Variants in NRG4 observed in about 807,000 individuals in gnomAD.
NRG4 encodes neuregulin 4.
In NRG4, 10 loss-of-function variants were observed where a neutral mutation model predicts 15.0. The ratio of observed to expected loss-of-function variants is 0.67; its 90% CI spans 0.41 to 1.13. The LOEUF (loss-of-function observed/expected upper bound fraction) is 1.13. NRG4 is among the 50% of genes most tolerant of loss of function. NRG4 has a pLI of 0.00. For synonymous variants in NRG4, 41 were observed against 50.1 expected (o/e 0.82, Z 0.77); for missense variants, 139 against 140.2 (o/e 0.99, Z 0.04).
intron 5 of NRG4, among the ~76,000 whole-genome samples, chr15:75,952,434 A>C (rs2031959126): frequency 6.6e-6 from 1 of 152,210 alleles, no homozygotes; most frequent in South Asian, 2.1e-4. Context: ...TTCCTGCCGA[A>C]TAATATTCCA....
chr15:75,936,011 T>A (rs951684389), downstream of NRG4: 14 of 152,252 alleles, frequency 9.2e-5, no homozygotes, highest in African/African-American at 3.4e-4. Context: ...ATGGTCTCGA[T>A]CTCCTGACCT....
chr15:75,959,590 C>T (rs1413379741), intron 4 of NRG4, among the ~76,000 whole-genome samples: 1 of 152,076 alleles, frequency 6.6e-6, no homozygotes, highest in Non-Finnish European at 1.5e-5. Context: ...AAACTCCTGG[C>T]CTTGGGGGAT....
At chr15:76,015,335 C>G (rs1421302671), upstream of NRG4, among the ~76,000 whole-genome samples, 1 of 152,182 alleles carries the variant, frequency 6.6e-6, no homozygotes, top group Non-Finnish European at 1.5e-5. Context: ...ACCTTTATTT[C>G]TTTCTCTTGC....
At chr15:76,041,819 G>A (rs1012013494) in intron 4 of NRG4, among the ~76,000 whole-genome samples, 1 of 152,034 alleles carries the variant, frequency 6.6e-6, no homozygotes, top group African/African-American at 2.4e-5. Context: ...CTGTACTATA[G>A]ACCACATGGA....
chr15:75,957,980 T>C (rs2032320852), intron 4 of NRG4, among the ~76,000 whole-genome samples: 1 of 152,106 alleles, frequency 6.6e-6, no homozygotes, highest in Admixed American at 6.5e-5. Flanking sequence ...CCACATTTGC[T>C]TATTTCTAAG....
chr15:76,011,102 A>G, intron 2 of NRG4, 119 bp downstream of exon 2: 1 of 858,204 alleles, frequency 1.2e-6, no homozygotes, highest in Non-Finnish European at 1.6e-6. Flanking sequence ...TCATATTCAC[A>G]TCTCTTCCAA....
At chr15:76,042,228 T>C (rs1252467989) in intron 4 of NRG4, among the ~76,000 whole-genome samples, 1 of 147,202 alleles carries the variant, frequency 6.8e-6, no homozygotes. Context: ...ATTTAAAAAG[T>C]AGGAAAACAT....
At chr15:76,049,918 G>A (rs1596063530) in intron 4 of NRG4, among the ~76,000 whole-genome samples, 1 of 150,826 alleles carries the variant, frequency 6.6e-6, no homozygotes, top group East Asian at 1.9e-4. Context: ...TCTGTCGATG[G>A]TAACATATAT....
intron 5 of NRG4, among the ~76,000 whole-genome samples, chr15:76,025,700 C>A (rs572351928): frequency 6.6e-6 from 1 of 151,762 alleles, no homozygotes; most frequent in Non-Finnish European, 1.5e-5. Flanking sequence ...ATGTGGTGAA[C>A]CCCTGTCTCT....
rs946083489 is a variant in NRG4 at position 76,051,332 on chromosome 15, G to T, written c.-105+735C>A. 7.5e-4 allele frequency among the ~76,000 whole-genome samples: 112 copies of T among 149,902 alleles called. 7 individuals are homozygous for T. Among genetic ancestry groups the T allele is most frequent in the Non-Finnish European group, 1.3e-3 (86 of 67,620 alleles). ...TTTATTTATTTTTTTATAGAGACGG[G>T]CTCTCACTCTGTTGCCCAGGCTGGT... On this transcript the variant is annotated intron_variant, in intron 4 of 8. Coordinates refer to the NRG4 transcript ENST00000563910.
intron 3 of NRG4, chr15:76,052,224 T>G (rs750163940): frequency 6.6e-6 from 1 of 151,156 alleles, no homozygotes; most frequent in Non-Finnish European, 1.5e-5. Flanking sequence ...ACAATTTTAG[T>G]AATACACGAA....
Position 76,057,991 on chromosome 15 carries a change from G to C in NRG4, c.-327-972C>G, listed in dbSNP as rs2141973726. On this transcript the variant is annotated intron_variant, in intron 1 of 8. Coordinates refer to the NRG4 transcript ENST00000563910. ...TGAAGTGGTCTTCAAATTTCTCTCA[G>C]CAAGTTTCAAAATACTTGTCGTACT... Among the ~76,000 whole-genome samples the C allele has an allele frequency of 2.0e-5, 3 of 152,174 alleles. No individual in the cohort carries two copies. In the East Asian group the frequency reaches 5.8e-4, roughly 29 times the overall value.
chr15:75,987,319 G>A (rs1476700884), intron 3 of NRG4, among the ~76,000 whole-genome samples: 1 of 152,168 alleles, frequency 6.6e-6, no homozygotes, highest in African/African-American at 2.4e-5. Context: ...CACAATTTTT[G>A]TCAAGGAAAA....
intron 3 of NRG4, among the ~76,000 whole-genome samples, chr15:75,962,606 C>A (rs1335931613): frequency 6.6e-6 from 1 of 152,082 alleles, no homozygotes; most frequent in Non-Finnish European, 1.5e-5. Context: ...AAATATTCTC[C>A]ACTGCCAACC....
intron 3 of NRG4, among the ~76,000 whole-genome samples, chr15:75,972,588 G>T (rs963700571): frequency 1.3e-5 from 2 of 152,150 alleles, no homozygotes; most frequent in African/African-American, 2.4e-5. Flanking sequence ...TTCTGCCTAT[G>T]GCTATCCAGT....
At chr15:76,023,163 CACACACACACACACACACACAA>C (rs2035210221) in intron 5 of NRG4, among the ~76,000 whole-genome samples, 1 of 149,926 alleles carries the variant, frequency 6.7e-6, no homozygotes, top group African/African-American at 2.5e-5. Flanking sequence ...CACACACACA[CACACACACACACACACACACAA>C]GCAAGGACCA....
chr15:76,030,670 T>G (rs1209733747), intron 5 of NRG4, among the ~76,000 whole-genome samples: 1 of 152,220 alleles, frequency 6.6e-6, no homozygotes, highest in Non-Finnish European at 1.5e-5. Context: ...TTTAGGACAC[T>G]GGTCTGGGAA....
At chr15:75,990,691 T>G (rs1163164284) in intron 3 of NRG4, among the ~76,000 whole-genome samples, 7 of 149,320 alleles carry the variant, frequency 4.7e-5, no homozygotes, top group Admixed American at 6.7e-5. Context: ...TTTGTTTTTT[T>G]TTTTTTTGAG....
intron 3 of NRG4, among the ~76,000 whole-genome samples, chr15:76,004,548 G>A (rs1318418222): frequency 6.7e-6 from 1 of 148,262 alleles, no homozygotes; most frequent in African/African-American, 2.5e-5. Flanking sequence ...GCAGTGGGCC[G>A]AGATCACGCC....
Sources: allele counts gnomAD v4.1 joint callset (sites outside exome capture counted in the v4.1 genomes callset), GRCh38; gene constraint gnomAD v4.1.1; transcripts MANE v1.5; gene names NCBI Gene and HGNC (gene_info 2026-07-23, HGNC 2026-07-21).